AZIN1: variants seen among roughly 807,000 people sequenced by gnomAD.
AZIN1 encodes the protein ornithine decarboxylase antizyme inhibitor.
Under a neutral mutation model 47.4 loss-of-function variants are expected in AZIN1, and 12 were observed. The ratio of observed to expected loss-of-function variants is 0.25; its 90% confidence interval spans 0.16 to 0.41. AZIN1 has a LOEUF of 0.41. Ranked by LOEUF, AZIN1 falls within the 10% of genes least tolerant of loss-of-function variation. The probability of loss-of-function intolerance (pLI) is 1.00; values close to 1 mark genes in which losing one functional copy is unlikely to be tolerated. For synonymous variants in AZIN1, 155 were observed against 176.3 expected, an observed-to-expected ratio of 0.88 and a Z score of 0.96; for missense variants, 410 against 532.4, an observed-to-expected ratio of 0.77 and a Z score of 2.26.
At chr8:102,832,218 T>C (rs1811506517) in intron 9 of AZIN1, among the ~76,000 whole-genome samples, 1 of 151,976 alleles carries the variant, frequency 6.6e-6, no homozygotes, top group Admixed American at 6.6e-5. Flanking sequence ...TTCAATGTGG[T>C]CCTGGACTGG....
chr8:102,857,509 C>T (rs1193499900), intron 2 of AZIN1, among the ~76,000 whole-genome samples: 2 of 151,884 alleles, frequency 1.3e-5, no homozygotes, highest in Non-Finnish European at 2.9e-5. Context: ...CAAGTATAGT[C>T]AAAAACTATC....
intron 1 of AZIN1, among the ~76,000 whole-genome samples, chr8:102,859,872 T>G (rs1196583279): frequency 6.6e-6 from 1 of 152,096 alleles, no homozygotes; most frequent in African/African-American, 2.4e-5. Flanking sequence ...GAGCCAGATG[T>G]GACAGTATGC....
intron 1 of AZIN1, among the ~76,000 whole-genome samples, chr8:102,859,730 G>A (rs1366286117): frequency 3.9e-5 from 6 of 152,158 alleles, no homozygotes; most frequent in Non-Finnish European, 7.4e-5. Flanking sequence ...CAGCTACTCA[G>A]GAGCCTGAGG....
intron 2 of AZIN1, among the ~76,000 whole-genome samples, chr8:102,849,225 G>A (rs890839061): frequency 3.3e-5 from 5 of 152,036 alleles, no homozygotes; most frequent in East Asian, 1.9e-4. Context: ...CCCAGGAGGC[G>A]GAGGTTACAG....
chr8:102,850,691 A>G (rs1271503665), intron 2 of AZIN1, among the ~76,000 whole-genome samples: 1 of 152,196 alleles, frequency 6.6e-6, no homozygotes, highest in Non-Finnish European at 1.5e-5. Context: ...CTCAGGATAA[A>G]TCAGGACAAG....
At chr8:102,859,769 G>A (rs1472736904) in intron 1 of AZIN1, among the ~76,000 whole-genome samples, 4 of 152,198 alleles carry the variant, frequency 2.6e-5, no homozygotes, top group East Asian at 3.8e-4. Context: ...TCAAGAGGCG[G>A]AGGTTGCAGT....
chr8:102,834,375 C>G, intron 7 of AZIN1, 112 bp from the exon 8 acceptor site: 1 of 834,962 alleles, frequency 1.2e-6, no homozygotes, highest in Non-Finnish European at 1.9e-6. Context: ...TTTAGTACAG[C>G]AAATTCTTGG....
At chr8:102,860,753 C>A (rs1813594675) in intron 1 of AZIN1, among the ~76,000 whole-genome samples, 1 of 152,166 alleles carries the variant, frequency 6.6e-6, no homozygotes, top group South Asian at 2.1e-4. Flanking sequence ...ATCAGTACGT[C>A]TCTGAAAACA....
At chr8:102,834,845 AG>A (rs1811715982) in intron 6 of AZIN1, 98 bp from the exon 7 acceptor site, 1 of 763,570 alleles carries the variant, frequency 1.3e-6, no homozygotes, top group Non-Finnish European at 2.2e-6. Context: ...CATACCATTA[AG>A]TATCCCCATT....
intron 2 of AZIN1, among the ~76,000 whole-genome samples, chr8:102,848,295 T>C (rs2131255263): frequency 8.6e-6 from 1 of 116,202 alleles, no homozygotes; most frequent in African/African-American, 3.3e-5. Context: ...AAAGCTCAAC[T>C]ATCAGCTACT....
intron 9 of AZIN1, chr8:102,830,167 C>G (rs908434174): frequency 1.5e-5 from 5 of 337,118 alleles, no homozygotes; most frequent in Non-Finnish European, 2.7e-5. Context: ...GGGAGGATCA[C>G]TTGAGGTCAG....
At chr8:102,863,414 C>T (rs1359364451) in intron 1 of AZIN1, among the ~76,000 whole-genome samples, 2 of 151,904 alleles carry the variant, frequency 1.3e-5, no homozygotes, top group Admixed American at 6.5e-5. Context: ...CCCCTCAGGG[C>T]TGCGGCCGGG....
chr8:102,863,739 C>A (rs1229965598), intron 1 of AZIN1, 68 bp downstream of exon 1: 1 of 152,172 alleles, frequency 6.6e-6, no homozygotes, highest in Non-Finnish European at 1.5e-5. Context: ...CAGCCGGAGC[C>A]CCCCAGCCGC....
intron 8 of AZIN1, among the ~76,000 whole-genome samples, chr8:102,833,941 T>A: frequency 6.6e-6 from 1 of 151,154 alleles, no homozygotes; most frequent in Non-Finnish European, 1.5e-5. Flanking sequence ...TATTAAATCA[T>A]TTGTGCCATT....
At chr8:102,849,306 A>T (rs967512750) in intron 2 of AZIN1, among the ~76,000 whole-genome samples, 2 of 152,026 alleles carry the variant, frequency 1.3e-5, no homozygotes, top group Non-Finnish European at 2.9e-5. Flanking sequence ...CAAAAACAAG[A>T]AACAAAAACC....
At chr8:102,853,498 G>A (rs897146774) in intron 2 of AZIN1, among the ~76,000 whole-genome samples, 20 of 152,042 alleles carry the variant, frequency 1.3e-4, no homozygotes, top group Non-Finnish European at 1.0e-4. Flanking sequence ...GCGAAACTTC[G>A]TCTCAAAAAA....
At chr8:102,836,738 C>T (rs1811847712) in intron 5 of AZIN1, among the ~76,000 whole-genome samples, 1 of 152,088 alleles carries the variant, frequency 6.6e-6, no homozygotes, top group Non-Finnish European at 1.5e-5. Flanking sequence ...AATAGCAATG[C>T]CATCATTGTC....
intron 1 of AZIN1, among the ~76,000 whole-genome samples, chr8:102,863,157 G>C (rs931373786): frequency 1.3e-5 from 2 of 152,212 alleles, no homozygotes; most frequent in Non-Finnish European, 2.9e-5. Flanking sequence ...ACCTGACACC[G>C]GGGCTTCCCC....
At chr8:102,856,100 T>G (rs948734483) in intron 2 of AZIN1, 6 of 150,942 alleles carry the variant, frequency 4.0e-5, no homozygotes, top group Admixed American at 6.6e-5. Flanking sequence ...TTTGTTTTTT[T>G]TTTTTTTTCC....
Sources: gnomAD v4.1 joint callset for allele counts (sites outside exome capture counted in the v4.1 genomes callset) on GRCh38, gnomAD v4.1.1 for gene constraint, MANE v1.5 for transcripts, NCBI Gene and HGNC (gene_info 2026-07-23, HGNC 2026-07-21) for gene names.